Variants in ZRANB3 observed in about 807,000 individuals in gnomAD.
ZRANB3 encodes the protein zinc finger RANBP2-type containing 3.
In ZRANB3, 125 loss-of-function variants were observed where a neutral mutation model predicts 133.8. That is an observed-to-expected ratio of 0.93 (90% confidence interval 0.81 to 1.08). The LOEUF (loss-of-function observed/expected upper bound fraction) is 1.08. Ranked by LOEUF, ZRANB3 falls within the 50% of genes least tolerant of loss-of-function variation. ZRANB3 has a pLI of 0.00. For synonymous variants in ZRANB3, 387 were observed against 432.7 expected, an observed-to-expected ratio of 0.89 and a Z score of 1.31; for missense variants, 1,229 against 1,275.5, an observed-to-expected ratio of 0.96 and a Z score of 0.56.
At chr2:135,311,015 A>G (rs1225192619) in intron 8 of ZRANB3, among the ~76,000 whole-genome samples, 1 of 152,032 alleles carries the variant, frequency 6.6e-6, no homozygotes, top group Non-Finnish European at 1.5e-5. Context: ...CAAATTTAAA[A>G]CTTCTGTTCT....
chr2:135,264,737 C>T (rs1339432787), intron 12 of ZRANB3, among the ~76,000 whole-genome samples: 1 of 150,808 alleles, frequency 6.6e-6, no homozygotes, highest in Non-Finnish European at 1.5e-5. Flanking sequence ...ATATTCTTTG[C>T]CTATTTTTTT....
intron 15 of ZRANB3, 87 bp from the exon 16 acceptor site, chr2:135,219,265 C>G (rs1694438512): frequency 1.2e-6 from 1 of 865,818 alleles, no homozygotes; most frequent in Non-Finnish European, 1.7e-6. Context: ...CATTATGACA[C>G]AATATGCCTA....
intron 2 of ZRANB3, among the ~76,000 whole-genome samples, chr2:135,440,021 C>T (rs1441128652): frequency 1.3e-5 from 2 of 152,190 alleles, no homozygotes; most frequent in Non-Finnish European, 2.9e-5. Flanking sequence ...AAAATCAATA[C>T]ACAATGTAGT....
chr2:135,404,386 A>G (rs949269761), intron 2 of ZRANB3, among the ~76,000 whole-genome samples: 1 of 152,198 alleles, frequency 6.6e-6, no homozygotes, highest in African/African-American at 2.4e-5. Context: ...TGAAGCGAGA[A>G]GAGAAGTTTA....
chr2:135,415,637 G>A (rs1267860441), intron 2 of ZRANB3, among the ~76,000 whole-genome samples: 3 of 152,080 alleles, frequency 2.0e-5, no homozygotes, highest in African/African-American at 7.2e-5. Flanking sequence ...TACCAAAGCT[G>A]GGCAGAGACA....
At chr2:135,380,242 T>C (rs889928958) in intron 3 of ZRANB3, among the ~76,000 whole-genome samples, 4 of 152,252 alleles carry the variant, frequency 2.6e-5, no homozygotes, top group Admixed American at 1.3e-4. Context: ...CTCACAATAT[T>C]AGACAGATCA....
At chr2:135,246,381 T>C (rs989096749) in intron 12 of ZRANB3, among the ~76,000 whole-genome samples, 5 of 152,244 alleles carry the variant, frequency 3.3e-5, no homozygotes, top group Non-Finnish European at 2.9e-5. Flanking sequence ...CTTTTTTTGT[T>C]AATTTTTCAT....
intron 8 of ZRANB3, among the ~76,000 whole-genome samples, chr2:135,294,893 G>A (rs917180832): frequency 6.6e-5 from 10 of 152,120 alleles, no homozygotes; most frequent in Admixed American, 2.6e-4. Flanking sequence ...CAGTTTCCAC[G>A]TAGTTGAGCA....
At chr2:135,389,700 G>A (rs183187443) in intron 3 of ZRANB3, among the ~76,000 whole-genome samples, 10 of 151,962 alleles carry the variant, frequency 6.6e-5, no homozygotes, top group Non-Finnish European at 1.0e-4. Flanking sequence ...GCCAGATTCC[G>A]TCTCAAAAGA....
At chr2:135,286,221 C>A (rs976123301) in intron 8 of ZRANB3, among the ~76,000 whole-genome samples, 9 of 151,014 alleles carry the variant, frequency 6.0e-5, no homozygotes, top group African/African-American at 2.2e-4. Flanking sequence ...TCCCTTACAC[C>A]CCTCTCACCC....
chr2:135,435,483 AT>A (rs1689493023), intron 2 of ZRANB3, among the ~76,000 whole-genome samples: 1 of 152,166 alleles, frequency 6.6e-6, no homozygotes, highest in Non-Finnish European at 1.5e-5. Flanking sequence ...TAGCAGAATG[AT>A]TTATATTCTT....
intron 6 of ZRANB3, among the ~76,000 whole-genome samples, chr2:135,342,778 G>A (rs1043666195): frequency 6.7e-6 from 1 of 148,972 alleles, no homozygotes; most frequent in Non-Finnish European, 1.5e-5. Flanking sequence ...AGTGCTTTGG[G>A]ATTGAAAGAC....
At chr2:135,362,692 T>C (rs1369069546) in intron 3 of ZRANB3, among the ~76,000 whole-genome samples, 2 of 152,160 alleles carry the variant, frequency 1.3e-5, no homozygotes, top group Non-Finnish European at 2.9e-5. Flanking sequence ...TCTCTCTATG[T>C]TACTCAGGCT....
chr2:135,416,806 A>G (rs1206588096), intron 2 of ZRANB3, among the ~76,000 whole-genome samples: 2 of 152,206 alleles, frequency 1.3e-5, no homozygotes, highest in East Asian at 1.9e-4. Flanking sequence ...ATAACGCCAC[A>G]TATCTACAAC....
intron 2 of ZRANB3, among the ~76,000 whole-genome samples, chr2:135,454,065 G>A (rs1034413265): frequency 2.6e-5 from 4 of 152,174 alleles, no homozygotes; most frequent in African/African-American, 4.8e-5. Flanking sequence ...AAGAAAAATC[G>A]GGAAGAAGCA....
At position 135,451,290 on chromosome 2, in the gene ZRANB3, G is replaced by A. The variant is rs1464281054; in HGVS notation, c.161+53039C>T. Among the ~76,000 whole-genome samples, 6 of 152,144 alleles carry A rather than the reference G, an allele frequency of 3.9e-5. No individual in the cohort carries two copies. In the East Asian group the frequency reaches 9.7e-4, roughly 24 times the overall value. On this transcript the variant is annotated intron_variant, in intron 2 of 20. Transcript: ENST00000264159. ...CAGTAAAAAATTACTGGCCGGGTAC[G>A]GTGGCTCATGCCTGTAATCGCAGCA...
intron 3 of ZRANB3, among the ~76,000 whole-genome samples, chr2:135,373,370 G>C (rs557332376): frequency 2.6e-5 from 4 of 152,196 alleles, no homozygotes; most frequent in Non-Finnish European, 5.9e-5. Flanking sequence ...GCAATATAGA[G>C]GTAGTGATAT....
chr2:135,403,775 A>G (rs1167850133), intron 2 of ZRANB3, among the ~76,000 whole-genome samples: 1 of 152,170 alleles, frequency 6.6e-6, no homozygotes, highest in African/African-American at 2.4e-5. Flanking sequence ...AGGATCTGGC[A>G]GCAACATTTG....
intron 8 of ZRANB3, among the ~76,000 whole-genome samples, chr2:135,298,053 C>A (rs1322949495): frequency 4.6e-5 from 7 of 152,066 alleles, no homozygotes; most frequent in Non-Finnish European, 1.0e-4. Context: ...CATGGTGAAA[C>A]CCTATGTCTA....
Sources: allele counts gnomAD v4.1 joint callset (sites outside exome capture counted in the v4.1 genomes callset), GRCh38; gene constraint gnomAD v4.1.1; transcripts MANE v1.5; gene names NCBI Gene and HGNC (gene_info 2026-07-23, HGNC 2026-07-21).